The following IQSEC1 variants were observed in gnomAD, a reference collection of about 807,000 sequenced individuals.
IQSEC1 encodes IQ motif and SEC7 domain-containing protein 1.
In IQSEC1, 31 loss-of-function variants were observed where a neutral mutation model predicts 91.0. That is an observed-to-expected ratio of 0.34 (90% CI 0.26 to 0.46). The LOEUF (loss-of-function observed/expected upper bound fraction) is 0.46. Among genes scored for constraint, IQSEC1 ranks in the 20% least tolerant of loss-of-function variants. The probability of loss-of-function intolerance (pLI) is 1.00; values close to 1 mark genes in which losing one functional copy is unlikely to be tolerated. For synonymous variants in IQSEC1, 699 were observed against 662.6 expected (o/e 1.05, Z -0.84); for missense variants, 1,388 against 1,575.6 (o/e 0.88, Z 2.02).
chr3:13,251,214 G>T (rs1427042103), intron 1 of IQSEC1, among the ~76,000 whole-genome samples: 1 of 152,144 alleles, frequency 6.6e-6, no homozygotes, highest in Non-Finnish European at 1.5e-5. Context: ...TTAGGCCATT[G>T]CTTCCATTCC....
chr3:13,253,585 T>A (rs1056497685), intron 1 of IQSEC1, among the ~76,000 whole-genome samples: 2 of 152,184 alleles, frequency 1.3e-5, no homozygotes, highest in African/African-American at 4.8e-5. Context: ...ACGCCATGCA[T>A]CAAAATATTA....
chr3:12,937,987 C>T (rs1698355123), intron 2 of IQSEC1, among the ~76,000 whole-genome samples: 1 of 152,174 alleles, frequency 6.6e-6, no homozygotes, highest in Non-Finnish European at 1.5e-5. Flanking sequence ...GCGGGACACA[C>T]AGACCTCCCG....
chr3:13,203,044 G>A (rs1255238884), intron 1 of IQSEC1, among the ~76,000 whole-genome samples: 6 of 152,162 alleles, frequency 3.9e-5, no homozygotes, highest in Non-Finnish European at 7.4e-5. Flanking sequence ...GCGTCACCCA[G>A]CTCCGCTGCT....
At chr3:12,946,274 C>T (rs1054900994) in intron 1 of IQSEC1, among the ~76,000 whole-genome samples, 3 of 152,350 alleles carry the variant, frequency 2.0e-5, no homozygotes, top group African/African-American at 7.2e-5. Flanking sequence ...CCCAAAAACC[C>T]AGCCCATTGA....
chr3:13,153,567 G>A (rs1707035615), intron 2 of IQSEC1, among the ~76,000 whole-genome samples: 1 of 152,164 alleles, frequency 6.6e-6, no homozygotes. Flanking sequence ...ATGTGTTCCT[G>A]CCACTCTGGC....
chr3:13,068,945 G>A (rs1705324414), intron 1 of IQSEC1, among the ~76,000 whole-genome samples: 3 of 152,164 alleles, frequency 2.0e-5, no homozygotes. Flanking sequence ...GTGGTTCCCA[G>A]CACTGAGCTG....
intron 5 of IQSEC1, 108 bp from the exon 6 acceptor site, chr3:12,920,704 G>C: frequency 8.5e-7 from 1 of 1,175,010 alleles, no homozygotes; most frequent in South Asian, 1.4e-5. Flanking sequence ...TCCTGCTTCT[G>C]GTGAGCGAGG....
chr3:12,936,464 T>C lies in IQSEC1; in HGVS notation c.552A>G (p.Ser184=), dbSNP rs768768567. ...HSSYFEGKQV[S]VTNDGSQLGA... ...CCAGCTGGGAGCCGTCGTTAGTCAC[T>C]GAGACCTGCTTCCCCTCGAAGTAGG... The change falls in exon 3 of 14, where the codon TCA becomes TCG. Residue 184 remains serine (S), a synonymous_variant. Transcript: ENST00000613206. 9.9e-6 allele frequency: 16 copies of C among 1,610,630 alleles called. No individual in the cohort carries two copies. The highest frequency in any genetic ancestry group is 2.2e-5 in the East Asian group (1 of 44,786).
chr3:13,108,504 A>C (rs1174777387), intron 2 of IQSEC1, among the ~76,000 whole-genome samples: 2 of 151,514 alleles, frequency 1.3e-5, no homozygotes, highest in Non-Finnish European at 1.5e-5. Context: ...GGGCATGCAC[A>C]TTCTATTTTT....
chr3:13,279,514 C>T (rs980570264), intron 1 of IQSEC1, among the ~76,000 whole-genome samples: 3 of 152,230 alleles, frequency 2.0e-5, no homozygotes, highest in Non-Finnish European at 1.5e-5. Context: ...ACTTCCGGCA[C>T]GCAAAGTCAT....
intron 2 of IQSEC1, among the ~76,000 whole-genome samples, chr3:13,119,352 G>T (rs141118034): frequency 3.4e-4 from 52 of 152,306 alleles, no homozygotes; most frequent in African/African-American, 1.2e-3. Context: ...ATCTGCTTCT[G>T]CCAACAACAA....
chr3:13,213,443 G>A (rs541203315), intron 1 of IQSEC1, among the ~76,000 whole-genome samples: 35 of 152,218 alleles, frequency 2.3e-4, no homozygotes, highest in East Asian at 1.5e-3. Context: ...CTTGGACATC[G>A]GGAGTTGTGG....
chr3:13,096,510 C>T (rs148370399), intron 2 of IQSEC1, among the ~76,000 whole-genome samples: 49 of 152,308 alleles, frequency 3.2e-4, no homozygotes, highest in African/African-American at 1.1e-3. Flanking sequence ...GAGGGCAAGA[C>T]GCTGACTTAG....
intron 1 of IQSEC1, among the ~76,000 whole-genome samples, chr3:13,072,525 C>T (rs1705470209): frequency 6.6e-6 from 1 of 152,234 alleles, no homozygotes; most frequent in African/African-American, 2.4e-5. Context: ...GTGCTAGGGA[C>T]GGTGGGCTGG....
intron 2 of IQSEC1, among the ~76,000 whole-genome samples, chr3:13,087,316 G>A (rs1033828383): frequency 6.6e-6 from 1 of 152,224 alleles, no homozygotes; most frequent in African/African-American, 2.4e-5. Context: ...CCAAAAGGAA[G>A]AGAAATAGCA....
intron 1 of IQSEC1, among the ~76,000 whole-genome samples, chr3:13,272,204 G>A (rs758445015): frequency 1.3e-5 from 2 of 152,104 alleles, no homozygotes; most frequent in Non-Finnish European, 2.9e-5. Flanking sequence ...AACCACCCTT[G>A]CTTTGTTTTG....
chr3:13,074,257 T>C (rs895469266), upstream of IQSEC1, among the ~76,000 whole-genome samples: 1 of 152,094 alleles, frequency 6.6e-6, no homozygotes, highest in African/African-American at 2.4e-5. Context: ...GAGACTCGGA[T>C]GACGCAAGAA....
intron 2 of IQSEC1, among the ~76,000 whole-genome samples, chr3:13,123,548 T>C (rs1392820512): frequency 6.6e-6 from 1 of 152,146 alleles, no homozygotes. Flanking sequence ...TTTTGGAAAA[T>C]TTGGCCAGCA....
chr3:13,108,904 G>A (rs927910600), intron 2 of IQSEC1, among the ~76,000 whole-genome samples: 9 of 152,240 alleles, frequency 5.9e-5, no homozygotes, highest in Admixed American at 2.6e-4. Flanking sequence ...CATGGCCCCC[G>A]AGTGAAACGT....
Sources: gnomAD v4.1 joint callset for allele counts (sites outside exome capture counted in the v4.1 genomes callset) on GRCh38, gnomAD v4.1.1 for gene constraint, MANE v1.5 for transcripts, NCBI Gene and HGNC (gene_info 2026-07-23, HGNC 2026-07-21) for gene names.